The following COLGALT2 variants were observed in gnomAD, a reference collection of about 807,000 sequenced individuals.
COLGALT2 encodes procollagen galactosyltransferase 2.
Under a neutral mutation model 73.4 loss-of-function variants are expected in COLGALT2, and 49 were observed. That is an observed-to-expected ratio of 0.67 (90% confidence interval 0.53 to 0.85). The LOEUF is 0.85. COLGALT2 is among the 40% of genes least tolerant of loss of function. COLGALT2 has a pLI of 0.00. For missense variants in COLGALT2, 722 were observed against 790.2 expected, an observed-to-expected ratio of 0.91 and a Z score of 1.03; for synonymous variants, 295 against 307.6, an observed-to-expected ratio of 0.96 and a Z score of 0.43.
chr1:183,933,517 A>G (rs1572621889), downstream of COLGALT2, among the ~76,000 whole-genome samples: 1 of 152,224 alleles, frequency 6.6e-6, no homozygotes, highest in African/African-American at 2.4e-5. Flanking sequence ...AGGCCACACC[A>G]TCAAAATGCC....
In COLGALT2 at chr1:184,014,060, T is replaced by C. The variant is rs527454426; in HGVS notation, c.263+23035A>G. On this transcript the variant is annotated intron_variant, in intron 1 of 11. Transcript: ENST00000361927. ...TCTCTGGACCATTCACATGAAAATGTCAGGAGATCTCTAGGTCTTGAGCTG... is the reference window on the plus strand; with the variant it reads ...TCTCTGGACCATTCACATGAAAATGCCAGGAGATCTCTAGGTCTTGAGCTG... 9.2e-5 allele frequency among the ~76,000 whole-genome samples: 14 copies of C among 152,228 alleles called. No homozygotes were observed. The East Asian group carries it at 1.9e-3, about 21-fold the overall frequency.
intron 6 of COLGALT2, among the ~76,000 whole-genome samples, chr1:183,962,440 T>C (rs2102806215): frequency 6.6e-6 from 1 of 152,232 alleles, no homozygotes; most frequent in East Asian, 1.9e-4. Context: ...ATTACAGCCA[T>C]GAGCCACCAT....
chr1:183,968,244 A>T (rs1670934336), intron 5 of COLGALT2, among the ~76,000 whole-genome samples: 1 of 152,186 alleles, frequency 6.6e-6, no homozygotes, highest in African/African-American at 2.4e-5. Flanking sequence ...ATGGGACCCA[A>T]CTTCTGTCAG....
At chr1:183,982,116 G>A (rs908517667) in intron 1 of COLGALT2, among the ~76,000 whole-genome samples, 2 of 152,152 alleles carry the variant, frequency 1.3e-5, no homozygotes, top group East Asian at 3.9e-4. Flanking sequence ...TTCTCTTCTC[G>A]GCAAGGTCTA....
intron 1 of COLGALT2, among the ~76,000 whole-genome samples, chr1:184,006,035 G>A (rs1307636507): frequency 6.6e-6 from 1 of 152,150 alleles, no homozygotes; most frequent in Non-Finnish European, 1.5e-5. Flanking sequence ...TCCCCATCCT[G>A]CTATATTTCT....
chr1:184,002,138 T>G (rs2102839636), intron 1 of COLGALT2, among the ~76,000 whole-genome samples: 1 of 152,366 alleles, frequency 6.6e-6, no homozygotes, highest in South Asian at 2.1e-4. Context: ...AGCCCAGTGC[T>G]CACTGTACAT....
In COLGALT2 at chr1:183,969,121, G is replaced by C. The variant is rs564518806; in HGVS notation, c.832+148C>G. 6 of 586,324 alleles carry C rather than the reference G, an allele frequency of 1.0e-5. No homozygotes were observed. The African/African-American group carries it at 1.2e-4, about 11-fold the overall frequency. 36.3% of individuals were successfully genotyped at this position (586,324 alleles called of 1,614,324 possible). A position where few individuals can be genotyped will look rare whatever the true frequency, so the allele number is the denominator to read the frequency against. On this transcript the variant is annotated intron_variant, in intron 5 of 11. Coordinates refer to ENST00000361927, the MANE Select transcript of COLGALT2 (RefSeq NM_015101.4). ...GTGCTCCCAGGGACAGCAACATAGAGGGTGCTGGTATGGTTATTGCAGACA... is the reference window on the plus strand; with the variant it reads ...GTGCTCCCAGGGACAGCAACATAGACGGTGCTGGTATGGTTATTGCAGACA...
chr1:183,961,360 A>G (rs1670694612), intron 6 of COLGALT2, among the ~76,000 whole-genome samples: 1 of 149,168 alleles, frequency 6.7e-6, no homozygotes, highest in South Asian at 2.1e-4. Flanking sequence ...CTGAGAGCTT[A>G]TACTCTCAGC....
chr1:183,939,813 G>C (rs561605233), intron 11 of COLGALT2, among the ~76,000 whole-genome samples: 1 of 152,198 alleles, frequency 6.6e-6, no homozygotes, highest in Non-Finnish European at 1.5e-5. Context: ...AACGAATGCT[G>C]CTCCATCAAT....
chr1:183,991,175 A>G (rs903329564), intron 1 of COLGALT2, among the ~76,000 whole-genome samples: 1 of 152,244 alleles, frequency 6.6e-6, no homozygotes, highest in African/African-American at 2.4e-5. Flanking sequence ...ATGTGTCCAA[A>G]GTAAACACTT....
chr1:184,001,381 T>G (rs1422141839), intron 1 of COLGALT2, among the ~76,000 whole-genome samples: 1 of 152,196 alleles, frequency 6.6e-6, no homozygotes, highest in Non-Finnish European at 1.5e-5. Flanking sequence ...CTTTTATAGA[T>G]TTTGGAAAAT....
chr1:184,020,474 C>T (rs1649143693), intron 1 of COLGALT2, among the ~76,000 whole-genome samples: 1 of 152,160 alleles, frequency 6.6e-6, no homozygotes, highest in Non-Finnish European at 1.5e-5. Context: ...AAAGACTCAG[C>T]CATACAAACC....
At chr1:183,987,042 G>C (rs951027902) in intron 1 of COLGALT2, among the ~76,000 whole-genome samples, 20 of 150,650 alleles carry the variant, frequency 1.3e-4, no homozygotes, top group Non-Finnish European at 4.4e-5. Flanking sequence ...GGATGGAAAT[G>C]CTCTAGCAAA....
Position 183,963,914 on chromosome 1 carries a change from C to A in COLGALT2, c.939G>T (p.Gln313His). 1.0e-5 allele frequency: 16 copies of A among 1,607,238 alleles called. No individual in the cohort carries two copies. The highest frequency in any genetic ancestry group is 1.4e-5 in the Non-Finnish European group (16 of 1,176,586). Residue 313 changes from glutamine to histidine, a missense_variant, in exon 6 of 12, where the codon CAG becomes CAT. Transcript: ENST00000361927. ...TGGGTCACTCACTCATTGCTTCAAT[C>A]TGCACATGGATGAGGTTCTCGATGT... The part of the protein sequence containing the change: ...QEDIENLIHV[Q>H]IEAMIDRPPM...
At chr1:184,012,709 A>G (rs533746828) in intron 1 of COLGALT2, among the ~76,000 whole-genome samples, 1 of 152,366 alleles carries the variant, frequency 6.6e-6, no homozygotes, top group African/African-American at 2.4e-5. Context: ...GGTTCTTGAG[A>G]AAAGCATGTG....
At chr1:184,015,592 T>C (rs1450966073) in intron 1 of COLGALT2, among the ~76,000 whole-genome samples, 1 of 152,242 alleles carries the variant, frequency 6.6e-6, no homozygotes, top group Non-Finnish European at 1.5e-5. Context: ...ATGTAGACTG[T>C]TGTGCTCACT....
downstream of COLGALT2, among the ~76,000 whole-genome samples, chr1:183,930,922 A>G (rs1669832319): frequency 6.6e-6 from 1 of 152,230 alleles, no homozygotes; most frequent in African/African-American, 2.4e-5. Context: ...TAATTATTTT[A>G]GACTCACAAT....
intron 6 of COLGALT2, among the ~76,000 whole-genome samples, chr1:183,959,824 T>A (rs1242058100): frequency 6.6e-6 from 1 of 152,162 alleles, no homozygotes; most frequent in Non-Finnish European, 1.5e-5. Context: ...TCTTCTTCCA[T>A]TACTTCATCT....
chr1:184,003,473 C>A (rs140997447), intron 1 of COLGALT2, among the ~76,000 whole-genome samples: 1 of 152,188 alleles, frequency 6.6e-6, no homozygotes, highest in Non-Finnish European at 1.5e-5. Context: ...TCCGTCCAGT[C>A]CAGGGACCAG....
Sources: gnomAD v4.1 joint callset for allele counts (sites outside exome capture counted in the v4.1 genomes callset) on GRCh38, gnomAD v4.1.1 for gene constraint, MANE v1.5 for transcripts, NCBI Gene and HGNC (gene_info 2026-07-23, HGNC 2026-07-21) for gene names.